Variants in ADAMTS14 observed in about 807,000 individuals in gnomAD.
The protein encoded by ADAMTS14 is ADAM metallopeptidase with thrombospondin type 1 motif 14.
ADAMTS14 carries 100 observed loss-of-function variants against 128.6 expected under a neutral mutation model. The ratio of observed to expected loss-of-function variants is 0.78; its 90% CI spans 0.66 to 0.92. ADAMTS14 has a LOEUF of 0.92. Ranked by LOEUF, ADAMTS14 falls within the 40% of genes least tolerant of loss-of-function variation. The probability of loss-of-function intolerance (pLI) is 0.00; values close to 1 mark genes in which losing one functional copy is unlikely to be tolerated. For synonymous variants in ADAMTS14, 665 were observed against 653.8 expected, an observed-to-expected ratio of 1.02 and a Z score of -0.26; for missense variants, 1,562 against 1,658.6, an observed-to-expected ratio of 0.94 and a Z score of 1.01.
rs1842420524 is a variant in ADAMTS14 at position 70,753,962 on chromosome 10, C to T, written c.2892C>T (p.Leu964=). The T allele has an allele frequency of 1.3e-6, 2 of 1,582,764 alleles. No individual in the cohort carries two copies. The highest frequency in any genetic ancestry group is 1.7e-4 in the Middle Eastern group (1 of 5,974). The part of the protein sequence containing the change: ...GDRPEARRPC[L]RVPCPAQWRL... ...GGCCTGAGGCCCGACGGCCCTGTCTCCGAGTGCCCTGCCCAGCCCAGTGGA... is the reference window on the plus strand; with the variant it reads ...GGCCTGAGGCCCGACGGCCCTGTCTTCGAGTGCCCTGCCCAGCCCAGTGGA... The change falls in exon 19 of 22, where the codon CTC becomes CTT. Residue 964 remains leucine (L), a synonymous_variant. Coordinates refer to ENST00000373207, the MANE Select transcript of ADAMTS14 (RefSeq NM_080722.4).
intron 15 of ADAMTS14, among the ~76,000 whole-genome samples, chr10:70,746,434 C>T (rs997597850): frequency 1.3e-5 from 2 of 152,284 alleles, no homozygotes; most frequent in Non-Finnish European, 2.9e-5. Context: ...AGGAAAGAGG[C>T]ATGACGGCTA....
chr10:70,679,688 C>A (rs1425926516), intron 2 of ADAMTS14, among the ~76,000 whole-genome samples: 1 of 152,252 alleles, frequency 6.6e-6, no homozygotes, highest in African/African-American at 2.4e-5. Context: ...CGTGTTTCCC[C>A]CTTTGCCTTC....
intron 4 of ADAMTS14, among the ~76,000 whole-genome samples, chr10:70,711,733 A>G (rs1840866867): frequency 6.6e-6 from 1 of 152,214 alleles, no homozygotes; most frequent in Non-Finnish European, 1.5e-5. Context: ...GAACCCCAAC[A>G]GCACACACAG....
intron 18 of ADAMTS14, 91 bp downstream of exon 18, chr10:70,752,318 C>T (rs1408816951): frequency 8.5e-6 from 13 of 1,534,538 alleles, no homozygotes; most frequent in Non-Finnish European, 1.1e-5. Context: ...CCCCTCAGCA[C>T]TGGGTTATGG....
chr10:70,748,183 A>T (rs1487233071), intron 15 of ADAMTS14, among the ~76,000 whole-genome samples: 2 of 152,174 alleles, frequency 1.3e-5, no homozygotes, highest in Non-Finnish European at 2.9e-5. Context: ...TGAGGCTCAG[A>T]GAGAGGTTAG....
chr10:70,673,398 A>G (rs1313177587), intron 1 of ADAMTS14, among the ~76,000 whole-genome samples: 4 of 152,134 alleles, frequency 2.6e-5, no homozygotes, highest in African/African-American at 7.2e-5. Context: ...ACTGCCCCCA[A>G]CGTAGCACTG....
intron 3 of ADAMTS14, among the ~76,000 whole-genome samples, chr10:70,705,124 A>T (rs2132603531): frequency 6.6e-6 from 1 of 152,266 alleles, no homozygotes; most frequent in South Asian, 2.1e-4. Flanking sequence ...GAGTTAGGTG[A>T]TCCTTTCCCA....
chr10:70,697,905 C>T (rs969511006), intron 2 of ADAMTS14, among the ~76,000 whole-genome samples: 3 of 152,200 alleles, frequency 2.0e-5, no homozygotes, highest in African/African-American at 7.2e-5. Flanking sequence ...AATCCACAGT[C>T]CTTCCCATCT....
chr10:70,746,321 C>T (rs564910118), intron 15 of ADAMTS14, among the ~76,000 whole-genome samples: 11 of 152,250 alleles, frequency 7.2e-5, no homozygotes, highest in Admixed American at 3.9e-4. Context: ...TGTTTTGTTT[C>T]GTTTTTGCTG....
intron 13 of ADAMTS14, 45 bp downstream of exon 13, chr10:70,743,726 G>A (rs749943978): frequency 6.6e-7 from 1 of 1,521,906 alleles, no homozygotes; most frequent in Admixed American, 2.1e-5. Context: ...CAGGGAGACT[G>A]GAGGGCTGCA....
At chr10:70,746,378 C>T (rs1382779489) in intron 15 of ADAMTS14, among the ~76,000 whole-genome samples, 1 of 152,180 alleles carries the variant, frequency 6.6e-6, no homozygotes, top group Non-Finnish European at 1.5e-5. Flanking sequence ...AGAGGCAAAT[C>T]CACAGACAGA....
chr10:70,696,315 G>A (rs546465654), intron 2 of ADAMTS14, among the ~76,000 whole-genome samples: 46 of 151,688 alleles, frequency 3.0e-4, no homozygotes, highest in Non-Finnish European at 4.7e-4. Flanking sequence ...AGGACAGTGC[G>A]CAGCAGGGTG....
chr10:70,750,229 C>T (rs1262356810), intron 16 of ADAMTS14, among the ~76,000 whole-genome samples: 2 of 152,190 alleles, frequency 1.3e-5, no homozygotes, highest in African/African-American at 4.8e-5. Flanking sequence ...ATGCAGGGAG[C>T]CTGCTCTCTT....
chr10:70,759,311 G>C (rs1203073797), intron 21 of ADAMTS14, among the ~76,000 whole-genome samples: 1 of 151,714 alleles, frequency 6.6e-6, no homozygotes, highest in Non-Finnish European at 1.5e-5. Flanking sequence ...CCCTCCACCT[G>C]TGTCTCTCTT....
At chr10:70,676,387 G>T (rs114558633) in intron 2 of ADAMTS14, among the ~76,000 whole-genome samples, 1,820 of 152,310 alleles carry the variant, frequency 0.012, 34 homozygotes, top group African/African-American at 0.025. Context: ...ATATTCAAAG[G>T]TGTAATATTT....
chr10:70,716,739 A>T (rs918397093), intron 4 of ADAMTS14, among the ~76,000 whole-genome samples: 3 of 151,930 alleles, frequency 2.0e-5, no homozygotes, highest in African/African-American at 7.3e-5. Flanking sequence ...GAGGGAGGAG[A>T]TCTGGTTCCT....
Sources: gnomAD v4.1 joint callset for allele counts (sites outside exome capture counted in the v4.1 genomes callset) on GRCh38, gnomAD v4.1.1 for gene constraint, MANE v1.5 for transcripts, NCBI Gene and HGNC (gene_info 2026-07-23, HGNC 2026-07-21) for gene names.